TAFA2: variants seen among roughly 807,000 people sequenced by gnomAD.
TAFA2 encodes the protein chemokine-like protein TAFA-2.
A neutral mutation model predicts 18.8 loss-of-function variants in TAFA2; 7 were observed. That is an observed-to-expected ratio of 0.37 (90% confidence interval 0.21 to 0.70). The LOEUF (loss-of-function observed/expected upper bound fraction) is 0.70. Among genes scored for constraint, TAFA2 ranks in the 30% least tolerant of loss-of-function variants. The probability of loss-of-function intolerance (pLI) is 0.53; values close to 1 mark genes in which losing one functional copy is unlikely to be tolerated. For missense variants in TAFA2, 122 were observed against 158.1 expected (o/e 0.77, Z 1.23); for synonymous variants, 60 against 54.2 (o/e 1.11, Z -0.47).
rs374326261 is a variant in TAFA2 at position 62,133,056 on chromosome 12, C to T, written c.-2+58203G>A. On this transcript the variant is annotated intron_variant, in intron 1 of 4. Coordinates refer to ENST00000416284, the MANE Select transcript of TAFA2 (RefSeq NM_178539.5). Reference sequence around the variant, plus strand: ...TGGTACAGGCCCATCCTGTACATTGCAAGACCTCCATAGCATCCTTGACCC... The same window carrying T: ...TGGTACAGGCCCATCCTGTACATTGTAAGACCTCCATAGCATCCTTGACCC... Among the ~76,000 whole-genome samples the T allele has an allele frequency of 2.0e-5, 3 of 151,898 alleles. No homozygotes were observed. The East Asian group carries it at 5.8e-4, about 29-fold the overall frequency.
chr12:62,252,469 C>G (rs1050693158), intron 1 of TAFA2: 3 of 152,198 alleles, frequency 2.0e-5, no homozygotes, highest in Non-Finnish European at 4.4e-5. Context: ...ACCTCTAAAC[C>G]TACAAATCTC....
At chr12:62,247,636 G>A (rs1020265782) in intron 1 of TAFA2, among the ~76,000 whole-genome samples, 5 of 152,140 alleles carry the variant, frequency 3.3e-5, no homozygotes, top group African/African-American at 7.2e-5. Flanking sequence ...TAACCCTTAC[G>A]TAGAATGTGA....
chr12:61,817,219 A>G (rs558424713), intron 2 of TAFA2, among the ~76,000 whole-genome samples: 19 of 152,288 alleles, frequency 1.2e-4, no homozygotes, highest in African/African-American at 3.8e-4. Flanking sequence ...GTGTGTAATC[A>G]GATGGGGAAT....
intron 1 of TAFA2, among the ~76,000 whole-genome samples, chr12:61,971,070 T>C (rs1879231407): frequency 6.6e-6 from 1 of 151,404 alleles, no homozygotes; most frequent in Admixed American, 6.6e-5. Context: ...GGAAAGAAGC[T>C]GGGAGGGTAT....
At chr12:62,114,244 G>T (rs1236171530) in intron 1 of TAFA2, among the ~76,000 whole-genome samples, 1 of 152,104 alleles carries the variant, frequency 6.6e-6, no homozygotes, top group African/African-American at 2.4e-5. Context: ...GCTAGGGGAG[G>T]GAGTTCCCTG....
At chr12:62,253,002 AT>A (rs1377117699) in intron 1 of TAFA2, 3 of 152,154 alleles carry the variant, frequency 2.0e-5, no homozygotes, top group African/African-American at 7.2e-5. Context: ...TTAACTTGTC[AT>A]TTGATTCTCC....
intron 1 of TAFA2, among the ~76,000 whole-genome samples, chr12:62,137,245 T>C (rs1389773613): frequency 1.3e-5 from 2 of 152,138 alleles, no homozygotes; most frequent in Non-Finnish European, 2.9e-5. Context: ...ACTTACACTG[T>C]AAATGATCAT....
At chr12:61,921,115 TA>T (rs1331606099) in intron 1 of TAFA2, among the ~76,000 whole-genome samples, 7 of 152,244 alleles carry the variant, frequency 4.6e-5, no homozygotes, top group African/African-American at 1.7e-4. Flanking sequence ...GATTGGCCAT[TA>T]TGAGGAATTG....
At chr12:61,996,709 A>C (rs970350441) in intron 1 of TAFA2, among the ~76,000 whole-genome samples, 2 of 152,024 alleles carry the variant, frequency 1.3e-5, no homozygotes. Context: ...CAAGCACTCC[A>C]CTTATGTACC....
intron 2 of TAFA2, among the ~76,000 whole-genome samples, chr12:61,841,343 A>G (rs776133056): frequency 1.3e-5 from 2 of 152,124 alleles, no homozygotes; most frequent in Non-Finnish European, 2.9e-5. Context: ...TACATTTCAC[A>G]TAAGGCCAGT....
intron 1 of TAFA2, among the ~76,000 whole-genome samples, chr12:62,208,311 C>T (rs947315635): frequency 2.0e-5 from 3 of 151,408 alleles, no homozygotes; most frequent in Admixed American, 6.6e-5. Flanking sequence ...TGGCCTAAGA[C>T]ATTCAGGCAA....
At chr12:62,160,944 A>AAATGAATG (rs113504961) in intron 1 of TAFA2, among the ~76,000 whole-genome samples, 10 of 152,146 alleles carry the variant, frequency 6.6e-5, no homozygotes, top group African/African-American at 2.4e-4. Flanking sequence ...GTGAACTGGA[A>AAATGAATG]AATGAATGAA....
At chr12:61,940,649 G>C (rs1877962636) in intron 1 of TAFA2, among the ~76,000 whole-genome samples, 1 of 152,312 alleles carries the variant, frequency 6.6e-6, no homozygotes, top group East Asian at 1.9e-4. Context: ...ACCGCAGAGT[G>C]ATACCCCCAG....
intron 2 of TAFA2, among the ~76,000 whole-genome samples, chr12:61,828,576 A>G (rs1235744771): frequency 1.3e-5 from 2 of 151,876 alleles, no homozygotes; most frequent in Admixed American, 1.3e-4. Context: ...CTAAGTGTAC[A>G]CAGTAATACA....
At chr12:61,712,809 ATTT>A (rs56022266) in intron 4 of TAFA2, among the ~76,000 whole-genome samples, 25 of 151,234 alleles carry the variant, frequency 1.7e-4, no homozygotes, top group East Asian at 5.9e-4. Context: ...CTAATACTTG[ATTT>A]TTTTTTTTTG....
intron 1 of TAFA2, among the ~76,000 whole-genome samples, chr12:62,097,559 T>C (rs983335734): frequency 6.6e-6 from 1 of 152,092 alleles, no homozygotes; most frequent in African/African-American, 2.4e-5. Flanking sequence ...AACACAAGGG[T>C]TGGCTAGTAA....
intron 1 of TAFA2, among the ~76,000 whole-genome samples, chr12:62,175,412 TAA>T (rs1378424168): frequency 1.3e-5 from 2 of 152,176 alleles, no homozygotes; most frequent in East Asian, 1.9e-4. Context: ...GTTTAATATA[TAA>T]GACTATAAAA....
At chr12:61,767,391 G>C (rs1012645066) in intron 2 of TAFA2, among the ~76,000 whole-genome samples, 1 of 152,080 alleles carries the variant, frequency 6.6e-6, no homozygotes, top group African/African-American at 2.4e-5. Flanking sequence ...TTAATATTAA[G>C]AAGTGATTAT....
chr12:62,202,918 C>A (rs1022569628), intron 1 of TAFA2, among the ~76,000 whole-genome samples: 12 of 151,330 alleles, frequency 7.9e-5, no homozygotes. Flanking sequence ...ACCTCCACCC[C>A]CTGGCTCAAG....
Sources: allele counts gnomAD v4.1 joint callset (sites outside exome capture counted in the v4.1 genomes callset), GRCh38; gene constraint gnomAD v4.1.1; transcripts MANE v1.5; gene names NCBI Gene and HGNC (gene_info 2026-07-23, HGNC 2026-07-21).